Variants in GLIS3 observed in about 807,000 individuals in gnomAD.
GLIS3 encodes zinc finger protein GLIS3.
GLIS3 carries 53 observed loss-of-function variants against 78.6 expected under a neutral mutation model. That is an observed-to-expected ratio of 0.67 (90% CI 0.54 to 0.85). GLIS3 has a LOEUF of 0.85. Among genes scored for constraint, GLIS3 ranks in the 40% least tolerant of loss-of-function variants. The probability of loss-of-function intolerance (pLI) is 0.00; values close to 1 mark genes in which losing one functional copy is unlikely to be tolerated. For synonymous variants in GLIS3, 684 were observed against 509.9 expected (o/e 1.34, Z -4.60); for missense variants, 1,703 against 1,231.1 (o/e 1.38, Z -5.74).
chr9:3,938,842 T>C (rs12348360), intron 4 of GLIS3, among the ~76,000 whole-genome samples: 37,397 of 152,082 alleles, frequency 0.25, 6,118 homozygotes, highest in African/African-American at 0.47. Flanking sequence ...AAGGGGCTCA[T>C]TTCTGCAGCT....
intron 7 of GLIS3, among the ~76,000 whole-genome samples, chr9:3,884,091 T>C (rs1039486136): frequency 2.0e-5 from 3 of 152,234 alleles, no homozygotes; most frequent in African/African-American, 7.2e-5. Flanking sequence ...TCTCATAGGC[T>C]ACCAGAGCAT....
chr9:4,149,216 C>A (rs1474522579), intron 2 of GLIS3, among the ~76,000 whole-genome samples: 1 of 152,124 alleles, frequency 6.6e-6, no homozygotes. Context: ...TTACTTGGTG[C>A]CAGAGGAGGA....
intron 2 of GLIS3, among the ~76,000 whole-genome samples, chr9:4,276,249 CTGGGCA>C (rs1826967321): frequency 6.9e-6 from 1 of 143,888 alleles, no homozygotes. Flanking sequence ...TGCCAGTGCA[CTGGGCA>C]ACAGAGTAAG....
intron 2 of GLIS3, among the ~76,000 whole-genome samples, chr9:4,342,792 C>G (rs969572472): frequency 6.6e-6 from 1 of 152,296 alleles, no homozygotes; most frequent in East Asian, 1.9e-4. Flanking sequence ...GTAATTCTCA[C>G]TGTAGAGATC....
At chr9:4,176,664 C>T (rs1816838488) in intron 2 of GLIS3, among the ~76,000 whole-genome samples, 2 of 152,126 alleles carry the variant, frequency 1.3e-5, no homozygotes, top group African/African-American at 4.8e-5. Flanking sequence ...GCTCTTGTCA[C>T]CCAGGCTACA....
intron 4 of GLIS3, among the ~76,000 whole-genome samples, chr9:3,970,039 A>T (rs1429772760): frequency 1.3e-5 from 2 of 152,228 alleles, no homozygotes; most frequent in Admixed American, 6.5e-5. Context: ...CACTGCATTC[A>T]CACACAACCA....
intron 1 of GLIS3, among the ~76,000 whole-genome samples, chr9:4,291,826 CT>C (rs1350476459): frequency 6.6e-6 from 1 of 152,160 alleles, no homozygotes; most frequent in Non-Finnish European, 1.5e-5. Context: ...CTCCTTTGCA[CT>C]CTTCAGTGCA....
At chr9:3,917,805 G>A (rs886555217) in intron 6 of GLIS3, among the ~76,000 whole-genome samples, 2 of 152,148 alleles carry the variant, frequency 1.3e-5, no homozygotes, top group Admixed American at 6.5e-5. Flanking sequence ...GGACATAGTT[G>A]CTCCTTGAAA....
At chr9:4,488,974 C>A in the GLIS3 span, among the ~76,000 whole-genome samples, 9 of 152,150 alleles carry the variant, frequency 5.9e-5, no homozygotes, top group African/African-American at 1.9e-4. Context: ...TCAAGCGATT[C>A]TCCTCCCTCA....
chr9:4,033,864 T>TAAAAAAA lies in GLIS3; in HGVS notation c.1710+83897_1710+83903dup, dbSNP rs34745570. Among the ~76,000 whole-genome samples, 27 of 67,994 alleles carry TAAAAAAA rather than the reference T, an allele frequency of 4.0e-4. 1 individual carries two copies. The highest frequency in any genetic ancestry group is 1.7e-3 in the African/African-American group (27 of 16,004). 44.6% of individuals were successfully genotyped at this position (67,994 alleles called of 152,430 possible). A position where few individuals can be genotyped will look rare whatever the true frequency, so the allele number is the denominator to read the frequency against. ...TGCCCCCAAAAACATAGGCGAAGGA[T>TAAAAAAA]AAAAAAAAAAAAAAAAAAAAAAAAA... On this transcript the variant is annotated intron_variant, in intron 4 of 10. Coordinates refer to ENST00000381971, the MANE Select transcript of GLIS3 (RefSeq NM_001042413.2).
intron 2 of GLIS3, among the ~76,000 whole-genome samples, chr9:4,262,985 G>A (rs1430408801): frequency 1.3e-5 from 2 of 151,170 alleles, no homozygotes; most frequent in African/African-American, 4.9e-5. Context: ...AATTCACTGT[G>A]GCACCCCAGG....
the GLIS3 span, among the ~76,000 whole-genome samples, chr9:4,428,212 A>G: frequency 1.3e-5 from 2 of 151,950 alleles, no homozygotes; most frequent in East Asian, 1.9e-4. Flanking sequence ...GGTGTGGTGG[A>G]TCATGCCTGT....
intron 4 of GLIS3, among the ~76,000 whole-genome samples, chr9:4,010,714 T>C (rs1475539391): frequency 2.0e-5 from 3 of 152,212 alleles, no homozygotes; most frequent in South Asian, 2.1e-4. Flanking sequence ...GAAAGCCAGA[T>C]ACAGTTTTCC....
Position 4,118,205 on chromosome 9 carries a change from C to A in GLIS3, c.1273G>T (p.Ala425Ser). ...AGGCGTTCGGTCTTGAACAGGCCGGCCGACTGGCTGTCGGGGCCCGGCAGG... is the reference window on the plus strand; with the variant it reads ...AGGCGTTCGGTCTTGAACAGGCCGGACGACTGGCTGTCGGGGCCCGGCAGG... The part of the protein sequence containing the change: ...HGLPGPDSQS[A>S]GLFKTERLEE... Residue 425 changes from alanine to serine, a missense_variant, in exon 4 of 11, where the codon GCC becomes TCC. Coordinates refer to ENST00000381971, the MANE Select transcript of GLIS3 (RefSeq NM_001042413.2). The surrounding 1 kb of genome is among the most constrained non-coding windows in gnomAD (Gnocchi z 4.7). 1.3e-6 allele frequency: 2 copies of A among 1,585,984 alleles called. No individual in the cohort carries two copies. The highest frequency in any genetic ancestry group is 1.7e-6 in the Non-Finnish European group (2 of 1,165,796).
At chr9:4,341,083 T>C (rs1432575443) in intron 2 of GLIS3, among the ~76,000 whole-genome samples, 1 of 152,196 alleles carries the variant, frequency 6.6e-6, no homozygotes, top group African/African-American at 2.4e-5. Flanking sequence ...AATGATCTGT[T>C]ATCTCTTCTG....
At chr9:4,348,715 G>T (rs552452181), upstream of GLIS3, among the ~76,000 whole-genome samples, 7 of 151,928 alleles carry the variant, frequency 4.6e-5, no homozygotes, top group African/African-American at 7.3e-5. Context: ...GTAAATATGC[G>T]GTCATTAAAA....
intron 2 of GLIS3, among the ~76,000 whole-genome samples, chr9:4,239,506 T>C (rs1823096954): frequency 6.6e-6 from 1 of 152,158 alleles, no homozygotes. Context: ...TCATCATTAA[T>C]GAGAAAACAT....
chr9:4,235,487 CAGA>C (rs1233580455), intron 2 of GLIS3, among the ~76,000 whole-genome samples: 1 of 152,130 alleles, frequency 6.6e-6, no homozygotes, highest in Non-Finnish European at 1.5e-5. Flanking sequence ...GAATTATGTT[CAGA>C]AGGTTTCTTG....
the GLIS3 span, among the ~76,000 whole-genome samples, chr9:4,366,465 C>T: frequency 6.6e-6 from 1 of 152,154 alleles, no homozygotes; most frequent in East Asian, 1.9e-4. Flanking sequence ...TAGATTTTTC[C>T]CGCCTGAGAT....
Sources: gnomAD v4.1 joint callset for allele counts (sites outside exome capture counted in the v4.1 genomes callset) on GRCh38, gnomAD v4.1.1 for gene constraint, Gnocchi (gnomAD v3.1) non-coding constraint, MANE v1.5 for transcripts, NCBI Gene and HGNC (gene_info 2026-07-23, HGNC 2026-07-21) for gene names.